The following DOCK3 variants were observed in gnomAD, a reference collection of about 807,000 sequenced individuals.
The protein encoded by DOCK3 is dedicator of cytokinesis 3.
A neutral mutation model predicts 265.6 loss-of-function variants in DOCK3; 60 were observed. The ratio of observed to expected loss-of-function variants is 0.23; its 90% CI spans 0.18 to 0.28. The LOEUF (loss-of-function observed/expected upper bound fraction) is 0.28, where lower values mean the gene tolerates loss of function less well. DOCK3 is among the 10% of genes least tolerant of loss of function. The probability of loss-of-function intolerance (pLI) is 1.00; values close to 1 mark genes in which losing one functional copy is unlikely to be tolerated. For missense variants in DOCK3, 1,981 were observed against 2,594.3 expected (o/e 0.76, Z 5.14); for synonymous variants, 881 against 938.0 (o/e 0.94, Z 1.11).
chr3:51,364,751 A>T (rs1013576733), intron 49 of DOCK3, among the ~76,000 whole-genome samples: 11 of 152,168 alleles, frequency 7.2e-5, no homozygotes, highest in African/African-American at 2.7e-4. Flanking sequence ...ATCTTTCCCC[A>T]TTGCTTGTTT....
chr3:50,962,219 T>C (rs2076909263), intron 5 of DOCK3, among the ~76,000 whole-genome samples: 1 of 152,162 alleles, frequency 6.6e-6, no homozygotes, highest in East Asian at 1.9e-4. Context: ...GTTCTCATTG[T>C]TCAACTCCCA....
At chr3:50,911,379 A>T (rs902592189) in intron 4 of DOCK3, among the ~76,000 whole-genome samples, 16 of 152,096 alleles carry the variant, frequency 1.1e-4, no homozygotes, top group Non-Finnish European at 2.1e-4. Context: ...ACACATGGAT[A>T]GTTAGTATTC....
chr3:51,013,571 G>C (rs1454672651), intron 5 of DOCK3, among the ~76,000 whole-genome samples: 1 of 152,168 alleles, frequency 6.6e-6, no homozygotes, highest in Admixed American at 6.5e-5. Flanking sequence ...CCGGCTGTAT[G>C]AAGTGTCAGT....
intron 26 of DOCK3, chr3:51,278,476 G>A: frequency 1.0e-6 from 1 of 985,366 alleles, no homozygotes; most frequent in Non-Finnish European, 1.2e-6. Flanking sequence ...AAACCCTCTG[G>A]AGCAAGCCAA....
intron 5 of DOCK3, among the ~76,000 whole-genome samples, chr3:50,959,665 C>T (rs1411751450): frequency 6.6e-6 from 1 of 151,900 alleles, no homozygotes; most frequent in African/African-American, 2.4e-5. Flanking sequence ...CTGCAAGCTC[C>T]ACCTCCTGGG....
At chr3:51,025,218 C>CT (rs1266236271) in intron 5 of DOCK3, among the ~76,000 whole-genome samples, 23 of 152,264 alleles carry the variant, frequency 1.5e-4, no homozygotes, top group African/African-American at 5.5e-4. Context: ...TGGGCCTGAG[C>CT]TCTGATTCTC....
At chr3:51,193,928 C>T (rs1343322148) in intron 12 of DOCK3, among the ~76,000 whole-genome samples, 2 of 148,756 alleles carry the variant, frequency 1.3e-5, no homozygotes, top group Non-Finnish European at 3.0e-5. Context: ...TTTCATTTTG[C>T]TCTTTTCTTC....
At chr3:51,226,737 C>T (rs1014306349) in intron 15 of DOCK3, among the ~76,000 whole-genome samples, 1 of 152,154 alleles carries the variant, frequency 6.6e-6, no homozygotes, top group African/African-American at 2.4e-5. Flanking sequence ...AGGGCATGGG[C>T]AGTACTGAGA....
chr3:50,918,369 C>T (rs985295476), intron 4 of DOCK3, among the ~76,000 whole-genome samples: 4 of 152,142 alleles, frequency 2.6e-5, no homozygotes, highest in African/African-American at 9.7e-5. Flanking sequence ...AGTTTACAGT[C>T]CCACCAACAG....
intron 9 of DOCK3, among the ~76,000 whole-genome samples, chr3:51,109,931 C>CA (rs919894324): frequency 3.3e-3 from 456 of 140,188 alleles, no homozygotes; most frequent in African/African-American, 8.7e-3. Flanking sequence ...AACTCTGTCT[C>CA]AAAAAAAAAA....
intron 1 of DOCK3, among the ~76,000 whole-genome samples, chr3:50,732,552 A>C (rs1336088828): frequency 1.3e-5 from 2 of 152,130 alleles, no homozygotes; most frequent in Non-Finnish European, 2.9e-5. Flanking sequence ...CTACGGGTGC[A>C]CACCATCATG....
At chr3:51,057,638 C>T (rs1313703540) in intron 5 of DOCK3, among the ~76,000 whole-genome samples, 2 of 152,186 alleles carry the variant, frequency 1.3e-5, no homozygotes, top group Non-Finnish European at 2.9e-5. Flanking sequence ...GTGCTAGTCA[C>T]CCAGATTGCT....
intron 5 of DOCK3, among the ~76,000 whole-genome samples, chr3:51,002,477 A>G (rs2078522980): frequency 6.6e-6 from 1 of 152,190 alleles, no homozygotes; most frequent in Non-Finnish European, 1.5e-5. Context: ...TTTATAGATT[A>G]TGCTTTTGAT....
intron 2 of DOCK3, among the ~76,000 whole-genome samples, chr3:50,785,839 G>A (rs1308091626): frequency 6.6e-6 from 1 of 152,118 alleles, no homozygotes; most frequent in Non-Finnish European, 1.5e-5. Context: ...ATGATTTAGG[G>A]AGTCCCTCTT....
chr3:50,818,423 GT>G (rs1225089560), intron 2 of DOCK3, among the ~76,000 whole-genome samples: 1 of 152,180 alleles, frequency 6.6e-6, no homozygotes, highest in Admixed American at 6.5e-5. Context: ...AGTGCTTCTT[GT>G]TTGCTGTCAT....
chr3:50,978,982 C>T (rs1214032394), intron 5 of DOCK3, among the ~76,000 whole-genome samples: 2 of 152,196 alleles, frequency 1.3e-5, no homozygotes, highest in African/African-American at 4.8e-5. Flanking sequence ...CCGAGTGAGG[C>T]AATGCCTTAC....
chr3:51,021,776 C>T (rs1157287842), intron 5 of DOCK3, among the ~76,000 whole-genome samples: 1 of 152,086 alleles, frequency 6.6e-6, no homozygotes, highest in Non-Finnish European at 1.5e-5. Context: ...ATTCTCCTGC[C>T]TCAGCCTCCT....
At chr3:50,967,715 A>G (rs535467147) in intron 5 of DOCK3, among the ~76,000 whole-genome samples, 1 of 152,096 alleles carries the variant, frequency 6.6e-6, no homozygotes, top group Non-Finnish European at 1.5e-5. Flanking sequence ...TGAAGGAGGG[A>G]GTCCCTTATA....
chr3:51,266,318 GA>G (rs1266094526), intron 23 of DOCK3, among the ~76,000 whole-genome samples: 2 of 152,088 alleles, frequency 1.3e-5, no homozygotes, highest in Admixed American at 6.6e-5. Context: ...CACAGAATTA[GA>G]AAAAACTACT....
Sources: gnomAD v4.1 joint callset for allele counts (sites outside exome capture counted in the v4.1 genomes callset) on GRCh38, gnomAD v4.1.1 for gene constraint, MANE v1.5 for transcripts, NCBI Gene and HGNC (gene_info 2026-07-23, HGNC 2026-07-21) for gene names.